Variants in PRKN observed in about 807,000 individuals in gnomAD.
PRKN encodes the protein E3 ubiquitin-protein ligase parkin.
Under a neutral mutation model 59.5 loss-of-function variants are expected in PRKN, and 56 were observed. That is an observed-to-expected ratio of 0.94 (90% confidence interval 0.76 to 1.18). The LOEUF is 1.18. Among genes scored for constraint, PRKN ranks in the 50% most tolerant of loss-of-function variants. PRKN has a pLI of 0.00. For synonymous variants in PRKN, 250 were observed against 222.1 expected, an observed-to-expected ratio of 1.13 and a Z score of -1.12; for missense variants, 657 against 596.4, an observed-to-expected ratio of 1.10 and a Z score of -1.06.
intron 2 of PRKN, among the ~76,000 whole-genome samples, chr6:162,304,526 TCTA>T (rs1375870758): frequency 0.025 from 3,622 of 144,510 alleles, 224 homozygotes; most frequent in African/African-American, 0.061. Context: ...TATCTATCTA[TCTA>T]TCTATCTATC....
chr6:161,734,903 G>A (rs1285087189), intron 7 of PRKN, among the ~76,000 whole-genome samples: 1 of 151,730 alleles, frequency 6.6e-6, no homozygotes, highest in Non-Finnish European at 1.5e-5. Flanking sequence ...TAGTCTGAAT[G>A]TGGATATCAC....
At chr6:162,154,470 T>C (rs1340877885) in intron 4 of PRKN, among the ~76,000 whole-genome samples, 2 of 150,450 alleles carry the variant, frequency 1.3e-5, no homozygotes, top group Admixed American at 6.6e-5. Context: ...AAAATGTTAG[T>C]AGATCAAGAA....
intron 2 of PRKN, among the ~76,000 whole-genome samples, chr6:162,411,384 A>C (rs764292212): frequency 1.3e-5 from 2 of 152,180 alleles, no homozygotes; most frequent in Non-Finnish European, 2.9e-5. Context: ...AAGATGGACC[A>C]CTTAGACAGC....
intron 5 of PRKN, among the ~76,000 whole-genome samples, chr6:162,009,082 G>A (rs1480728900): frequency 2.0e-5 from 3 of 151,722 alleles, no homozygotes; most frequent in East Asian, 1.9e-4. Context: ...GTGAAACCCC[G>A]TCTTTACTAA....
At position 162,054,138 on chromosome 6, in the gene PRKN, G is replaced by A. The variant is rs763650901; in HGVS notation, c.571C>T (p.Arg191Trp). ...SCWDDVLIPN[R>W]MSGECQSPHC... The stretch of plus-strand genomic sequence containing the variant: ...GGGGATTGGCATTCACCACTCATCC[G>A]GTTTGGAATTAAAACATCATCCCAG... The change falls in exon 5 of 12, where the codon CGG becomes TGG. Residue 191 changes from arginine to tryptophan, a missense_variant. By Grantham distance (101) the Arg-to-Trp change is moderately radical. Coordinates refer to ENST00000366898, the MANE Select transcript of PRKN (RefSeq NM_004562.3). 53 of 1,613,392 alleles carry A rather than the reference G, an allele frequency of 3.3e-5. No individual in the cohort carries two copies. Among genetic ancestry groups the A allele is most frequent in the African/African-American group, 2.5e-4 (19 of 74,858 alleles).
At chr6:161,816,710 A>G (rs918435325) in intron 6 of PRKN, among the ~76,000 whole-genome samples, 2 of 146,282 alleles carry the variant, frequency 1.4e-5, no homozygotes, top group East Asian at 3.9e-4. Context: ...CTTGGGTGAC[A>G]GAGTGAGACT....
At chr6:162,131,935 C>T (rs1413870578) in intron 4 of PRKN, among the ~76,000 whole-genome samples, 3 of 152,152 alleles carry the variant, frequency 2.0e-5, no homozygotes, top group South Asian at 2.1e-4. Flanking sequence ...AAGGACATCA[C>T]GGGCTGGGCA....
intron 2 of PRKN, among the ~76,000 whole-genome samples, chr6:162,326,053 A>T (rs1783258045): frequency 6.6e-6 from 1 of 151,012 alleles, no homozygotes; most frequent in Admixed American, 6.6e-5. Flanking sequence ...TTACTGCAGG[A>T]TGAATAACTT....
At chr6:161,934,761 C>T (rs1027450502) in intron 6 of PRKN, among the ~76,000 whole-genome samples, 6 of 152,064 alleles carry the variant, frequency 3.9e-5, no homozygotes, top group African/African-American at 9.7e-5. Flanking sequence ...TATTCACGAT[C>T]CTGTATTAAT....
intron 4 of PRKN, among the ~76,000 whole-genome samples, chr6:162,188,220 G>A (rs1469929139): frequency 6.6e-6 from 1 of 151,940 alleles, no homozygotes; most frequent in East Asian, 1.9e-4. Context: ...GCTCAGTCTC[G>A]GGTATGTCTT....
intron 6 of PRKN, among the ~76,000 whole-genome samples, chr6:161,942,844 G>C (rs1382605779): frequency 6.6e-6 from 1 of 152,136 alleles, no homozygotes; most frequent in African/African-American, 2.4e-5. Flanking sequence ...ACCCCTTTAA[G>C]AGTAGGCAAA....
At chr6:162,546,931 A>G (rs1372239762) in intron 1 of PRKN, among the ~76,000 whole-genome samples, 1 of 152,124 alleles carries the variant, frequency 6.6e-6, no homozygotes, top group Non-Finnish European at 1.5e-5. Flanking sequence ...CTTTATTTGC[A>G]TTATTCATAG....
At chr6:162,681,460 C>G (rs1027631267) in intron 1 of PRKN, among the ~76,000 whole-genome samples, 14 of 152,232 alleles carry the variant, frequency 9.2e-5, no homozygotes, top group African/African-American at 3.4e-4. Flanking sequence ...CTTTCCACAC[C>G]TAAGTAACAA....
At chr6:162,405,839 G>A (rs555520632) in intron 2 of PRKN, among the ~76,000 whole-genome samples, 1 of 152,286 alleles carries the variant, frequency 6.6e-6, no homozygotes, top group Admixed American at 6.5e-5. Flanking sequence ...AACCCCGAGT[G>A]ATCTCAGAGT....
rs1166376171 is a variant in PRKN, at chr6:162,588,171, T to C, written c.7+139491A>G. On this transcript the variant is annotated intron_variant, in intron 1 of 11. Coordinates refer to ENST00000366898, the MANE Select transcript of PRKN (RefSeq NM_004562.3). ...GATTATAGGTGCATGCCGCCATCCC[T>C]AACTAATTTTTGTATTTTTAGTAAA... Among the ~76,000 whole-genome samples, 5 of 151,686 alleles carry C rather than the reference T, an allele frequency of 3.3e-5. No individual in the cohort carries two copies. The East Asian group carries it at 9.8e-4, about 30-fold the overall frequency.
intron 2 of PRKN, among the ~76,000 whole-genome samples, chr6:162,373,484 G>A (rs886627500): frequency 3.3e-5 from 5 of 152,042 alleles, no homozygotes; most frequent in South Asian, 2.1e-4. Flanking sequence ...TTTCCAACAC[G>A]GGTAAGGGAT....
chr6:161,832,311 C>T (rs6909357), intron 6 of PRKN, among the ~76,000 whole-genome samples: 54,928 of 151,820 alleles, frequency 0.36, 10,129 homozygotes, highest in South Asian at 0.39. Context: ...AGAATAATAG[C>T]GTTGTTTTTC....
intron 2 of PRKN, among the ~76,000 whole-genome samples, chr6:162,276,085 C>T (rs111266939): frequency 0.014 from 2,137 of 152,238 alleles, 54 homozygotes; most frequent in African/African-American, 0.045. Context: ...GATTCATAAA[C>T]GTCTGTCAGC....
intron 4 of PRKN, among the ~76,000 whole-genome samples, chr6:162,187,379 T>C (rs1263942384): frequency 6.6e-6 from 1 of 152,172 alleles, no homozygotes; most frequent in Admixed American, 6.5e-5. Flanking sequence ...CCCATGACAG[T>C]GTCAGCTGAG....
Sources: allele counts gnomAD v4.1 joint callset (sites outside exome capture counted in the v4.1 genomes callset), GRCh38; gene constraint gnomAD v4.1.1; transcripts MANE v1.5; gene names NCBI Gene and HGNC (gene_info 2026-07-23, HGNC 2026-07-21).